The following BAZ1B variants were observed in gnomAD, a reference collection of about 807,000 sequenced individuals.
BAZ1B encodes tyrosine-protein kinase BAZ1B.
Under a neutral mutation model 153.8 loss-of-function variants are expected in BAZ1B, and 22 were observed. That is an observed-to-expected ratio of 0.14 (90% CI 0.10 to 0.20). BAZ1B has a LOEUF of 0.20. Among genes scored for constraint, BAZ1B ranks in the 10% least tolerant of loss-of-function variants. The probability of loss-of-function intolerance (pLI) is 1.00; values close to 1 mark genes in which losing one functional copy is unlikely to be tolerated. For missense variants in BAZ1B, 1,325 were observed against 1,799.3 expected (o/e 0.74, Z 4.77); for synonymous variants, 676 against 633.4 (o/e 1.07, Z -1.01).
chr7:73,486,073 A>C (rs1311074089), intron 6 of BAZ1B, among the ~76,000 whole-genome samples: 1 of 152,196 alleles, frequency 6.6e-6, no homozygotes, highest in African/African-American at 2.4e-5. Context: ...TTCTCCAACA[A>C]ATGGAACTTC....
intron 3 of BAZ1B, among the ~76,000 whole-genome samples, chr7:73,503,520 T>C (rs1470026110): frequency 3.3e-5 from 5 of 151,888 alleles, no homozygotes; most frequent in African/African-American, 1.2e-4. Context: ...ACTACAGAAA[T>C]GCACCACCAT....
In BAZ1B at chr7:73,510,808, G is replaced by A. The variant is rs1790546459; in HGVS notation, c.152C>T (p.Thr51Met). 2 of 1,614,054 alleles carry A rather than the reference G, an allele frequency of 1.2e-6. No individual in the cohort carries two copies. The highest frequency in any genetic ancestry group is 1.7e-6 in the Non-Finnish European group (2 of 1,180,022). The change falls in exon 2 of 20, where the codon ACG becomes ATG. Residue 51 changes from threonine (T) to methionine (M), a missense_variant. Around this residue, in one of 9 missense-constraint regions of BAZ1B, gnomAD observed 14 missense variants for 42.3 expected, o/e 0.33. Coordinates refer to ENST00000339594, the MANE Select transcript of BAZ1B (RefSeq NM_032408.4). Reference protein sequence around the residue: ...RLERYSERIWTCKSTGSSQLT... With the variant: ...RLERYSERIWMCKSTGSSQLT... ...CTGACTGCTTCCAGTACTCTTGCACGTCCAAATGCGCTCACTGTACCTTTC... is the reference window on the plus strand; with the variant it reads ...CTGACTGCTTCCAGTACTCTTGCACATCCAAATGCGCTCACTGTACCTTTC...
In BAZ1B at chr7:73,470,300, T is replaced by C. The variant is rs1404910093; in HGVS notation, c.2732+45A>G. On this transcript the variant is annotated intron_variant, in intron 8 of 19. Coordinates refer to ENST00000339594, the MANE Select transcript of BAZ1B (RefSeq NM_032408.4). Reference sequence around the variant, plus strand: ...AGAAAATTTTCCTAACTAATAGCAATGTAAATAGTCCTAAAGAAAACAAAA... The same window carrying C: ...AGAAAATTTTCCTAACTAATAGCAACGTAAATAGTCCTAAAGAAAACAAAA... The C allele has an allele frequency of 5.2e-6, 8 of 1,535,500 alleles. No homozygotes were observed. In the African/African-American group the frequency reaches 5.5e-5, roughly 11 times the overall value.
At chr7:73,506,829 C>T (rs1790362838) in intron 3 of BAZ1B, among the ~76,000 whole-genome samples, 2 of 130,836 alleles carry the variant, frequency 1.5e-5, no homozygotes, top group Admixed American at 8.3e-5. Flanking sequence ...CCAGCCTAGG[C>T]GACAAGAGCG....
At chr7:73,495,220 T>C (rs1328872708) in intron 4 of BAZ1B, among the ~76,000 whole-genome samples, 1 of 152,182 alleles carries the variant, frequency 6.6e-6, no homozygotes, top group Admixed American at 6.5e-5. Flanking sequence ...GAGGCGAAGG[T>C]TGCAGTGAGC....
chr7:73,446,904 G>C (rs781871745), intron 16 of BAZ1B, among the ~76,000 whole-genome samples: 1 of 152,252 alleles, frequency 6.6e-6, no homozygotes, highest in Admixed American at 6.5e-5. Flanking sequence ...ACAGCCAAAA[G>C]AACTGTCAGG....
chr7:73,448,271 T>A (rs879985225), intron 15 of BAZ1B, among the ~76,000 whole-genome samples: 1 of 152,122 alleles, frequency 6.6e-6, no homozygotes, highest in Non-Finnish European at 1.5e-5. Flanking sequence ...GCCATCGTAC[T>A]CCAGCCTGGG....
At chr7:73,501,829 C>T (rs1790144445) in intron 3 of BAZ1B, among the ~76,000 whole-genome samples, 1 of 152,032 alleles carries the variant, frequency 6.6e-6, no homozygotes, top group African/African-American at 2.4e-5. Context: ...AGCTAGATTC[C>T]CCTGATTATA....
rs531207376 is a variant in BAZ1B, at chr7:73,467,721, G to A, written c.2867-1320C>T. On this transcript the variant is annotated intron_variant, in intron 9 of 19. Transcript: ENST00000339594. ...CTGCCATTCTAGAACTGGAAAACAC[G>A]AAACAACATCCACCAGGATGCTCTA... Among the ~76,000 whole-genome samples the A allele has an allele frequency of 9.9e-5, 15 of 152,164 alleles. 1 individual carries two copies. In the East Asian group the frequency reaches 2.1e-3, roughly 22 times the overall value.
At chr7:73,514,997 G>T (rs1054825975) in intron 1 of BAZ1B, among the ~76,000 whole-genome samples, 5 of 151,854 alleles carry the variant, frequency 3.3e-5, no homozygotes, top group Non-Finnish European at 7.4e-5. Context: ...GCTTGAATGA[G>T]GAAGGCGGAG....
intron 3 of BAZ1B, among the ~76,000 whole-genome samples, chr7:73,506,855 GAA>G (rs1395596131): frequency 1.4e-5 from 1 of 71,548 alleles, no homozygotes; most frequent in Admixed American, 1.5e-4. Context: ...CCACCTCAAA[GAA>G]AAAAAAAAAA....
intron 3 of BAZ1B, among the ~76,000 whole-genome samples, chr7:73,505,730 T>C (rs1264776440): frequency 2.0e-5 from 3 of 152,198 alleles, no homozygotes; most frequent in Non-Finnish European, 4.4e-5. Flanking sequence ...TTTGTATTTT[T>C]TGGAGAGATA....
intron 3 of BAZ1B, among the ~76,000 whole-genome samples, chr7:73,505,357 AAGAC>A (rs1427786036): frequency 2.0e-5 from 3 of 152,214 alleles, no homozygotes; most frequent in Admixed American, 1.3e-4. Flanking sequence ...ACAGAACAGA[AAGAC>A]AGAGAAAGTC....
intron 13 of BAZ1B, among the ~76,000 whole-genome samples, chr7:73,457,340 G>A (rs1418896759): frequency 6.6e-6 from 1 of 152,010 alleles, no homozygotes; most frequent in African/African-American, 2.4e-5. Flanking sequence ...ACCACGCCTG[G>A]CTAATTTTTG....
chr7:73,465,601 A>C, intron 10 of BAZ1B, 64 bp from the exon 11 acceptor site: 1 of 1,084,898 alleles, frequency 9.2e-7, no homozygotes, highest in Non-Finnish European at 1.4e-6. Context: ...TCAAACACTA[A>C]GCAAGGGATC....
At chr7:73,444,231 C>T (rs1787740915) in intron 16 of BAZ1B, 102 bp from the exon 17 acceptor site, 1 of 1,360,052 alleles carries the variant, frequency 7.4e-7, no homozygotes. Flanking sequence ...TTTTCCTGGA[C>T]AAGGAAAGCA....
At chr7:73,500,148 T>C (rs1226666348) in intron 3 of BAZ1B, among the ~76,000 whole-genome samples, 3 of 152,202 alleles carry the variant, frequency 2.0e-5, no homozygotes, top group Non-Finnish European at 4.4e-5. Flanking sequence ...AGATTACTTA[T>C]GTTTAATATA....
chr7:73,516,370 T>C (rs1554579275), intron 1 of BAZ1B, among the ~76,000 whole-genome samples: 1 of 152,050 alleles, frequency 6.6e-6, no homozygotes, highest in Non-Finnish European at 1.5e-5. Flanking sequence ...TACTACAAAA[T>C]TTTAAATTAC....
chr7:73,513,575 G>A (rs1790671576), intron 1 of BAZ1B, among the ~76,000 whole-genome samples: 1 of 152,152 alleles, frequency 6.6e-6, no homozygotes, highest in African/African-American at 2.4e-5. Context: ...CAACGGAACG[G>A]CTTCCAGAGG....
Sources: allele counts gnomAD v4.1 joint callset (sites outside exome capture counted in the v4.1 genomes callset), GRCh38; gene constraint gnomAD v4.1.1; regional missense constraint gnomAD v4.1.1; transcripts MANE v1.5; gene names NCBI Gene and HGNC (gene_info 2026-07-23, HGNC 2026-07-21).